The following SUPT6H variants were observed in gnomAD, a reference collection of about 807,000 sequenced individuals.
SUPT6H encodes the protein SPT6 homolog, histone chaperone and transcription elongation factor.
A neutral mutation model predicts 222.3 loss-of-function variants in SUPT6H; 11 were observed. That is an observed-to-expected ratio of 0.05 (90% CI 0.03 to 0.08). SUPT6H has a LOEUF of 0.08. Ranked by LOEUF, SUPT6H falls within the 10% of genes least tolerant of loss-of-function variation. The pLI, the probability that SUPT6H is intolerant of heterozygous loss-of-function variation, is 1.00. For missense variants in SUPT6H, 1,422 were observed against 2,216.0 expected, an observed-to-expected ratio of 0.64 and a Z score of 7.19; for synonymous variants, 762 against 801.2, an observed-to-expected ratio of 0.95 and a Z score of 0.83.
intron 1 of SUPT6H, among the ~76,000 whole-genome samples, chr17:28,662,591 C>T (rs989267493): frequency 1.3e-4 from 20 of 152,156 alleles, no homozygotes; most frequent in African/African-American, 4.1e-4. Context: ...AACAGGCTTC[C>T]TGGCATCCCG....
intron 1 of SUPT6H, among the ~76,000 whole-genome samples, chr17:28,666,775 C>T (rs927550536): frequency 3.7e-4 from 56 of 152,118 alleles, no homozygotes; most frequent in African/African-American, 1.3e-3. Flanking sequence ...TGGTCTCGAG[C>T]GTCTGACCTG....
chr17:28,676,942 C>T (rs1008151201), intron 7 of SUPT6H, among the ~76,000 whole-genome samples: 1 of 151,930 alleles, frequency 6.6e-6, no homozygotes, highest in African/African-American at 2.4e-5. Context: ...CCATGAAATG[C>T]TTATGGCCAG....
intron 9 of SUPT6H, 31 bp from the exon 10 acceptor site, chr17:28,678,514 C>G: frequency 6.2e-7 from 1 of 1,602,738 alleles, no homozygotes; most frequent in Non-Finnish European, 8.5e-7. Flanking sequence ...TCTGTCTTCT[C>G]TGAGTGACTG....
intron 7 of SUPT6H, 128 bp from the exon 8 acceptor site, chr17:28,677,587 A>G (rs569493143): frequency 1.0e-4 from 72 of 707,814 alleles, no homozygotes; most frequent in Admixed American, 3.5e-4. Context: ...CAACACTGGT[A>G]TGGCATTTGT....
chr17:28,694,588 A>G (rs2031813072), intron 28 of SUPT6H, among the ~76,000 whole-genome samples: 1 of 152,224 alleles, frequency 6.6e-6, no homozygotes, highest in African/African-American at 2.4e-5. Flanking sequence ...GAAGCTGGGG[A>G]GATTTTTCAC....
chr17:28,698,147 C>T (rs1048340098), intron 32 of SUPT6H, 117 bp downstream of exon 32: 9 of 1,355,364 alleles, frequency 6.6e-6, no homozygotes, highest in Non-Finnish European at 7.8e-6. Flanking sequence ...CTCCTCTCAT[C>T]TGTTTAGAAC....
Position 28,682,770 on chromosome 17 carries a change from G to T in SUPT6H, c.1641G>T (p.Gly547=). 1 of 1,614,202 alleles carries T rather than the reference G, an allele frequency of 6.2e-7. No individual in the cohort carries two copies. The highest frequency in any genetic ancestry group is 8.5e-7 in the Non-Finnish European group (1 of 1,180,042). The change falls in exon 14 of 37, where the codon GGG becomes GGT. Residue 547 remains glycine, a synonymous_variant. Coordinates refer to ENST00000314616, the MANE Select transcript of SUPT6H (RefSeq NM_003170.5). ...KKFGLTPEQF[G]ENLRDSYQRH... is the part of the protein sequence containing the mutation. The stretch of plus-strand genomic sequence containing the variant: ...TTGGGCTTACTCCCGAGCAGTTTGG[G>T]GAGAACCTGCGGGATAGCTACCAGC...
In SUPT6H at chr17:28,678,802, C is replaced by T. The variant is rs2030912687; in HGVS notation, c.1207-19C>T. The T allele has an allele frequency of 3.1e-6, 5 of 1,614,014 alleles. No homozygotes were observed. The highest frequency in any genetic ancestry group is 4.2e-6 in the Non-Finnish European group (5 of 1,180,016). On this transcript the variant is annotated intron_variant, in intron 10 of 36. Transcript: ENST00000314616. ...CAGGGCTGAACACAAGCTCTCATTC[C>T]TGCCCTACTTCACCTTAGTGGACCC... is the stretch of plus-strand genomic sequence containing the variant.
At chr17:28,686,979 A>C in intron 21 of SUPT6H, 109 bp from the exon 22 acceptor site, 1 of 1,510,944 alleles carries the variant, frequency 6.6e-7, no homozygotes. Context: ...TCAGGAAAAA[A>C]GATCCCAGAG....
chr17:28,681,755 T>C (rs1406454123), intron 12 of SUPT6H, 127 bp from the exon 13 acceptor site: 6 of 761,504 alleles, frequency 7.9e-6, no homozygotes, highest in Non-Finnish European at 1.2e-5. Flanking sequence ...CCAGGAGACT[T>C]GACAGCCCAT....
At chr17:28,664,112 T>C (rs1014220921) in intron 1 of SUPT6H, among the ~76,000 whole-genome samples, 1 of 152,104 alleles carries the variant, frequency 6.6e-6, no homozygotes, top group African/African-American at 2.4e-5. Flanking sequence ...CCTCCAAACT[T>C]TCATCTTGGC....
chr17:28,678,332 C>A lies in SUPT6H; in HGVS notation c.1116+140C>A, dbSNP rs532914731. On this transcript the variant is annotated intron_variant, in intron 9 of 36. Coordinates refer to ENST00000314616, the MANE Select transcript of SUPT6H (RefSeq NM_003170.5). ...CAACAAGTGTTAGGACCAGCAGAGA[C>A]CCTAGTGATCGTAAGAACAATGCTA... 1.6e-5 allele frequency: 14 copies of A among 866,704 alleles called. No individual in the cohort carries two copies. The East Asian group carries it at 3.6e-4, about 22-fold the overall frequency. 53.7% of individuals were successfully genotyped at this position (866,704 alleles called of 1,614,324 possible).
At chr17:28,690,842 C>T (rs944870608) in intron 26 of SUPT6H, 79 bp from the exon 27 acceptor site, 196 of 1,489,852 alleles carry the variant, frequency 1.3e-4, no homozygotes, top group Middle Eastern at 2.5e-4. Context: ...GTCAGATATT[C>T]TGTCACTGAA....
rs764585767 is a variant in SUPT6H at position 28,676,201 on chromosome 17, A to T, written c.668A>T (p.Tyr223Phe). The change falls in exon 7 of 37, where the codon TAT (tyrosine) becomes TTT (phenylalanine). Residue 223 changes from tyrosine to phenylalanine, a missense_variant. This residue lies in a region of SUPT6H where 389 missense variants were observed against 544.6 expected (regional missense o/e 0.71). Coordinates refer to ENST00000314616, the MANE Select transcript of SUPT6H (RefSeq NM_003170.5). The stretch of plus-strand genomic sequence containing the variant: ...GAAATCTTCGGTGTGGACTTTGACT[A>T]TGATGAATTTGAGAAATACAATGAG... ...AQEIFGVDFD[Y>F]DEFEKYNEYD... 6.2e-7 allele frequency: 1 copy of T among 1,610,430 alleles called. No individual in the cohort carries two copies. The highest frequency in any genetic ancestry group is 1.1e-5 in the South Asian group (1 of 90,762).
intron 1 of SUPT6H, among the ~76,000 whole-genome samples, chr17:28,668,728 T>C (rs1465929067): frequency 1.3e-5 from 2 of 152,158 alleles, no homozygotes; most frequent in South Asian, 2.1e-4. Context: ...AAGATTGAAC[T>C]TGTGGGTCTG....
intron 32 of SUPT6H, among the ~76,000 whole-genome samples, chr17:28,698,486 C>T: frequency 7.1e-6 from 1 of 141,346 alleles, no homozygotes; most frequent in East Asian, 1.9e-4. Context: ...GTCTCCTGCT[C>T]TGCCTGCTGC....
At chr17:28,700,817 C>G (rs1447723566) in intron 35 of SUPT6H, 124 bp from the exon 36 acceptor site, 5 of 1,228,530 alleles carry the variant, frequency 4.1e-6, no homozygotes, top group Non-Finnish European at 5.8e-6. Context: ...TGGTCAGAAG[C>G]ACATACTCAG....
At position 28,684,612 on chromosome 17, in the gene SUPT6H, G is replaced by C. The variant is rs2031289546; in HGVS notation, c.2256G>C (p.Trp752Cys). 6.2e-7 allele frequency: 1 copy of C among 1,614,142 alleles called. No individual in the cohort carries two copies. Among genetic ancestry groups the C allele is most frequent in the East Asian group, 2.2e-5 (1 of 44,884 alleles). Residue 752 changes from tryptophan to cysteine, a missense_variant, in exon 18 of 37, where the codon TGG becomes TGC. Physicochemically the swap from Trp to Cys is radical, Grantham distance 215. Coordinates refer to ENST00000314616, the MANE Select transcript of SUPT6H (RefSeq NM_003170.5). ...IKACSRKLYN[W>C]LRVAPYRPDQ... ...CCTGTAGTCGAAAGCTCTACAATTG[G>C]TTGAGAGTGGCACCCTACCGACCAG...
In SUPT6H at chr17:28,667,503, A is replaced by G. The variant is rs200153608; in HGVS notation, c.-32+5161A>G. Among the ~76,000 whole-genome samples the G allele has an allele frequency of 6.1e-5, 7 of 115,300 alleles. No homozygotes were observed. In the East Asian group the frequency reaches 1.3e-3, roughly 21 times the overall value. The allele number at this position is 115,300 out of a possible 152,430, so 75.6% of individuals were successfully genotyped here. A position where few individuals can be genotyped will look rare whatever the true frequency, so the allele number is the denominator to read the frequency against. The stretch of plus-strand genomic sequence containing the variant: ...TGTGTGTGTATATATGTATATGTGT[A>G]TATATATATAAATACGTGTGTGTGT... On this transcript the variant is annotated intron_variant, in intron 1 of 36. Transcript: ENST00000314616.
Sources: allele counts gnomAD v4.1 joint callset (sites outside exome capture counted in the v4.1 genomes callset), GRCh38; gene constraint gnomAD v4.1.1; regional missense constraint gnomAD v4.1.1; transcripts MANE v1.5; gene names NCBI Gene and HGNC (gene_info 2026-07-23, HGNC 2026-07-21).